USH1G: variants seen among roughly 807,000 people sequenced by gnomAD.
The protein encoded by USH1G is USH1 protein network component sans.
A neutral mutation model predicts 31.9 loss-of-function variants in USH1G; 27 were observed. The ratio of observed to expected loss-of-function variants is 0.85; its 90% CI spans 0.62 to 1.17. USH1G has a LOEUF of 1.17. USH1G is among the 50% of genes most tolerant of loss of function. The pLI is 0.00. For synonymous variants in USH1G, 266 were observed against 283.2 expected, an observed-to-expected ratio of 0.94 and a Z score of 0.61; for missense variants, 674 against 638.9, an observed-to-expected ratio of 1.05 and a Z score of -0.59.
In USH1G at chr17:74,919,922, G is replaced by A. The variant is rs764111098; in HGVS notation, c.914C>T (p.Ser305Phe). 11 of 1,612,976 alleles carry A rather than the reference G, an allele frequency of 6.8e-6. No homozygotes were observed. Among genetic ancestry groups the A allele is most frequent in the Admixed American group, 5.0e-5 (3 of 60,006 alleles). Residue 305 changes from serine (S) to phenylalanine (F), a missense_variant, in exon 2 of 3, where the codon TCC (serine) becomes TTC (phenylalanine). Transcript: ENST00000614341. This position sits in a 1 kb window ranked among gnomAD's most constrained non-coding sequence, Gnocchi z 4.5. ...GCCCAGGCCGGGGCGGGTAAACAGGGAGTCGTGGCCTGAGTCGGTGCTGAC... is the reference window on the plus strand; with the variant it reads ...GCCCAGGCCGGGGCGGGTAAACAGGAAGTCGTGGCCTGAGTCGGTGCTGAC... ...SEVSTDSGHDSLFTRPGLGTM... is the reference protein window; with the variant it reads ...SEVSTDSGHDFLFTRPGLGTM...
chr17:74,922,851 G>T, intron 1 of USH1G, 59 bp downstream of exon 1: 12 of 1,512,274 alleles, frequency 7.9e-6, no homozygotes, highest in South Asian at 1.2e-5. Context: ...AGGAGTGGTG[G>T]ACGAGGAAGT....
chr17:74,920,575 G>A lies in USH1G; in HGVS notation c.261C>T (p.Phe87=), dbSNP rs144686462. The A allele has an allele frequency of 2.5e-5, 41 of 1,613,836 alleles. No homozygotes were observed. The African/African-American group carries it at 4.5e-4, about 18-fold the overall frequency. ...HLHCLSFLVS[F]GANIWCLDND... is the part of the protein sequence containing the mutation. Reference sequence around the variant, plus strand: ...TGTCTAGGCACCAGATGTTGGCTCCGAAGGACACCAGGAAGGACAGGCAGT... The same window carrying A: ...TGTCTAGGCACCAGATGTTGGCTCCAAAGGACACCAGGAAGGACAGGCAGT... The change falls in exon 2 of 3, where the codon TTC becomes TTT. Residue 87 remains phenylalanine, a synonymous_variant. Transcript: ENST00000614341. The surrounding 1 kb of genome is among the most constrained non-coding windows in gnomAD (Gnocchi z 5.2).
rs2038928587 is a variant in USH1G, at chr17:74,920,439, C to G, written c.397G>C (p.Gly133Arg). ...KQSSLNPKLV[G>R]KLKDKAFREA... ...CGGAAGGCCTTGTCCTTCAGCTTAC[C>G]CACCAGCTTGGGGTTGAGGCTGCTC... The change falls in exon 2 of 3, where the codon GGT becomes CGT. Residue 133 changes from glycine to arginine, a missense_variant. Gly to Arg is a moderately radical substitution (Grantham distance 125). Transcript: ENST00000614341. The surrounding 1 kb of genome is among the most constrained non-coding windows in gnomAD (Gnocchi z 5.2). The G allele has an allele frequency of 1.2e-6, 2 of 1,613,554 alleles. No homozygotes were observed. Among genetic ancestry groups the G allele is most frequent in the African/African-American group, 2.7e-5 (2 of 74,944 alleles).
chr17:74,922,887 G>A (rs2038961901), intron 1 of USH1G, 23 bp downstream of exon 1: 1 of 1,539,432 alleles, frequency 6.5e-7, no homozygotes, highest in Non-Finnish European at 8.8e-7. Flanking sequence ...GGGCCTCAAG[G>A]GCACTGGGTG....
At position 74,920,358 on chromosome 17, in the gene USH1G, G is replaced by A. The variant is rs376527217; in HGVS notation, c.478C>T (p.Arg160Cys). 5.6e-6 allele frequency: 9 copies of A among 1,612,098 alleles called. No individual in the cohort carries two copies. The highest frequency in any genetic ancestry group is 3.3e-4 in the Middle Eastern group (2 of 6,084). The change falls in exon 2 of 3, where the codon CGC becomes TGC. Residue 160 changes from arginine (R) to cysteine (C), a missense_variant. Transcript: ENST00000614341. This position sits in a 1 kb window ranked among gnomAD's most constrained non-coding sequence, Gnocchi z 5.2. Reference protein sequence around the residue: ...CAKLQRRHHERMERRYRRELA... With the variant: ...CAKLQRRHHECMERRYRRELA... ...TCGCGCCGGTATCGCCGCTCCATGC[G>A]TTCGTGGTGCCTCCGCTGCAGCTTG...
At position 74,922,891 on chromosome 17, in the gene USH1G, CT is replaced by C; in HGVS notation, c.164+18del. On this transcript the variant is annotated intron_variant, in intron 1 of 2. Transcript: ENST00000614341. ...GGTGGTCTCAGGGGCCTCAAGGGCA[CT>C]GGGTGGGGCGTACTCACCCGCGGCT... is the stretch of plus-strand genomic sequence containing the variant. 1.9e-6 allele frequency: 3 copies of C among 1,539,640 alleles called. No homozygotes were observed. The highest frequency in any genetic ancestry group is 1.8e-6 in the Non-Finnish European group (2 of 1,138,836).
In USH1G at chr17:74,921,200, C is replaced by T. The variant is rs2038938360; in HGVS notation, c.165-529G>A. The stretch of plus-strand genomic sequence containing the variant: ...TGGGCTTGCATGTCAGCAGGCAGGG[C>T]CCTGTCTGCAGGGAGCAGGGCCAGC... On this transcript the variant is annotated intron_variant, in intron 1 of 2. Transcript: ENST00000614341. This position sits in a 1 kb window ranked among gnomAD's most constrained non-coding sequence, Gnocchi z 4.6. 6.6e-6 allele frequency among the ~76,000 whole-genome samples: 1 copy of T among 152,028 alleles called. No homozygotes were observed.
Position 74,918,107 on chromosome 17 carries a change from C to T in USH1G, c.1383-31G>A, listed in dbSNP as rs2144749950. On this transcript the variant is annotated intron_variant, in intron 2 of 2. Transcript: ENST00000614341. The surrounding 1 kb of genome is among the most constrained non-coding windows in gnomAD (Gnocchi z 4.1). The stretch of plus-strand genomic sequence containing the variant: ...GAGGAAGAGACAGAAAGAAACAGAT[C>T]TCACATGAGGCCCTCCAGAGGCATC... 6.2e-7 allele frequency: 1 copy of T among 1,613,648 alleles called. No individual in the cohort carries two copies. The highest frequency in any genetic ancestry group is 2.2e-5 in the East Asian group (1 of 44,878).
chr17:74,920,307 TGAGG>T lies in USH1G; in HGVS notation c.525_528del (p.Leu176AlafsTer10). 1 of 1,607,100 alleles carries T rather than the reference TGAGG, an allele frequency of 6.2e-7. No homozygotes were observed. Among genetic ancestry groups the T allele is most frequent in the Non-Finnish European group, 8.5e-7 (1 of 1,178,808 alleles). ...GTGCTGGACGTGAGGCTGGAGAAGC[TGAGG>T]GTGTCGGAACGCTCGGCCAGCTCGC... is the stretch of plus-strand genomic sequence containing the variant. On this transcript the variant is annotated frameshift_variant, in exon 2 of 3. Transcript: ENST00000614341. LOFTEE classifies it high-confidence loss of function. This position sits in a 1 kb window ranked among gnomAD's most constrained non-coding sequence, Gnocchi z 5.2.
Position 74,918,178 on chromosome 17 carries a change from C to A in USH1G, c.1383-102G>T. On this transcript the variant is annotated intron_variant, in intron 2 of 2. Transcript: ENST00000614341. This position sits in a 1 kb window ranked among gnomAD's most constrained non-coding sequence, Gnocchi z 4.1. ...TCTGGACAACTTAGCCTCCCCATCTCTCGGCAGGCCAATTGTCAGGGATGG... is the reference window on the plus strand; with the variant it reads ...TCTGGACAACTTAGCCTCCCCATCTATCGGCAGGCCAATTGTCAGGGATGG... 1 of 1,511,954 alleles carries A rather than the reference C, an allele frequency of 6.6e-7. No individual in the cohort carries two copies. Among genetic ancestry groups the A allele is most frequent in the Non-Finnish European group, 9.1e-7 (1 of 1,103,514 alleles). The allele number at this position is 1,511,954 out of a possible 1,614,324, so 93.7% of individuals were successfully genotyped here. A position where few individuals can be genotyped will look rare whatever the true frequency, so the allele number is the denominator to read the frequency against.
At position 74,920,808 on chromosome 17, in the gene USH1G, C is replaced by T. The variant is rs2144755965; in HGVS notation, c.165-137G>A. The T allele has an allele frequency of 7.5e-7, 1 of 1,327,440 alleles. No homozygotes were observed. The highest frequency in any genetic ancestry group is 1.0e-6 in the Non-Finnish European group (1 of 972,498). 82.2% of individuals were successfully genotyped at this position (1,327,440 alleles called of 1,614,324 possible). ...GACCGTGGGCCTGAGATCTCTCCCA[C>T]TCCAGGAGACCTGCAGGCCTGAGCC... is the stretch of plus-strand genomic sequence containing the variant. On this transcript the variant is annotated intron_variant, in intron 1 of 2. Transcript: ENST00000614341. The surrounding 1 kb of genome is among the most constrained non-coding windows in gnomAD (Gnocchi z 5.2).
Position 74,918,023 on chromosome 17 carries a change from A to G in USH1G, c.*50T>C. ...TGTGAGGACCTCGAGACCCCACCAT[A>G]GGTTGTGGCAACTTGCAATTCATTT... On this transcript the variant is annotated 3_prime_UTR_variant, in exon 3 of 3. Transcript: ENST00000614341. The surrounding 1 kb of genome is among the most constrained non-coding windows in gnomAD (Gnocchi z 4.1). The G allele has an allele frequency of 6.2e-7, 1 of 1,613,574 alleles. No homozygotes were observed. Among genetic ancestry groups the G allele is most frequent in the African/African-American group, 1.3e-5 (1 of 75,020 alleles).
chr17:74,919,533 G>A lies in USH1G; in HGVS notation c.1303C>T (p.Pro435Ser), dbSNP rs1301900424. 3 of 1,612,040 alleles carry A rather than the reference G, an allele frequency of 1.9e-6. No individual in the cohort carries two copies. The African/African-American group carries it at 4.0e-5, about 22-fold the overall frequency. ...ACGGCCCCCAAGATCTTCTTTCGGGGCCCCAGTGGGACGCTGATGCTGCGG... is the reference window on the plus strand; with the variant it reads ...ACGGCCCCCAAGATCTTCTTTCGGGACCCCAGTGGGACGCTGATGCTGCGG... ...DLRSISVPLG[P>S]RKKILGAVRR... The change falls in exon 2 of 3, where the codon CCC becomes TCC. Residue 435 changes from proline to serine, a missense_variant. Coordinates refer to ENST00000614341, the MANE Select transcript of USH1G (RefSeq NM_173477.5). The surrounding 1 kb of genome is among the most constrained non-coding windows in gnomAD (Gnocchi z 4.5).
rs532775278 is a variant in USH1G at position 74,917,431 on chromosome 17, C to T, written c.*642G>A. On this transcript the variant is annotated 3_prime_UTR_variant, in exon 3 of 3. Transcript: ENST00000614341. ...CCACCCCTGGATGAGCTGGGAAGGG[C>T]GTCAGTACCCCCACCCCACCCCAAC... is the stretch of plus-strand genomic sequence containing the variant. 24 of 154,616 alleles carry T rather than the reference C, an allele frequency of 1.6e-4. No individual in the cohort carries two copies. Among genetic ancestry groups the T allele is most frequent in the Non-Finnish European group, 2.7e-4 (19 of 69,478 alleles). The allele number at this position is 154,616 out of a possible 1,614,324, so 9.6% of individuals were successfully genotyped here. A position where few individuals can be genotyped will look rare whatever the true frequency, so the allele number is the denominator to read the frequency against.
chr17:74,920,564 A>T lies in USH1G; in HGVS notation c.272T>A (p.Ile91Asn), dbSNP rs1287134966. 2 of 1,613,606 alleles carry T rather than the reference A, an allele frequency of 1.2e-6. No individual in the cohort carries two copies. Among genetic ancestry groups the T allele is most frequent in the East Asian group, 2.2e-5 (1 of 44,890 alleles). Residue 91 changes from isoleucine (I) to asparagine (N), a missense_variant, in exon 2 of 3, where the codon ATC (isoleucine) becomes AAC (asparagine). By Grantham distance (149) the Ile-to-Asn change is moderately radical (BLOSUM62 -3). Transcript: ENST00000614341. The surrounding 1 kb of genome is among the most constrained non-coding windows in gnomAD (Gnocchi z 5.2). Reference sequence around the variant, plus strand: ...GTGGTAGTCGTTGTCTAGGCACCAGATGTTGGCTCCGAAGGACACCAGGAA... The same window carrying T: ...GTGGTAGTCGTTGTCTAGGCACCAGTTGTTGGCTCCGAAGGACACCAGGAA... ...LSFLVSFGAN[I>N]WCLDNDYHTP...
rs757051357 is a variant in USH1G, at chr17:74,919,615, G to A, written c.1221C>T (p.Leu407=). The change falls in exon 2 of 3, where the codon CTC becomes CTT. Residue 407 remains leucine (L), a synonymous_variant. Coordinates refer to ENST00000614341, the MANE Select transcript of USH1G (RefSeq NM_173477.5). This position sits in a 1 kb window ranked among gnomAD's most constrained non-coding sequence, Gnocchi z 4.5. ...ASLHMEDFAA[L]LRQEKIDLEA... Reference sequence around the variant, plus strand: ...CGAGGTCGATCTTCTCCTGCCGCAGGAGGGCGGCAAAGTCCTCCATGTGCA... The same window carrying A: ...CGAGGTCGATCTTCTCCTGCCGCAGAAGGGCGGCAAAGTCCTCCATGTGCA... 3.3e-5 allele frequency: 54 copies of A among 1,612,704 alleles called. No individual in the cohort carries two copies. The highest frequency in any genetic ancestry group is 4.2e-5 in the Non-Finnish European group (50 of 1,180,036).
In USH1G at chr17:74,919,739, C is replaced by T. The variant is rs1178992226; in HGVS notation, c.1097G>A (p.Arg366His). The T allele has an allele frequency of 3.7e-6, 6 of 1,612,890 alleles. No homozygotes were observed. The highest frequency in any genetic ancestry group is 4.2e-6 in the Non-Finnish European group (5 of 1,180,030). ...CCAGGGCAGCTCCTCCCCACAGCTG[C>T]GGTCCTGCAGGCTGTTGGCACTGCC... is the stretch of plus-strand genomic sequence containing the variant. The part of the protein sequence containing the change: ...SLGSANSLQD[R>H]SCGEELPWDE... The change falls in exon 2 of 3, where the codon CGC (arginine) becomes CAC (histidine). Residue 366 changes from arginine to histidine, a missense_variant. Coordinates refer to ENST00000614341, the MANE Select transcript of USH1G (RefSeq NM_173477.5). This position sits in a 1 kb window ranked among gnomAD's most constrained non-coding sequence, Gnocchi z 4.5.
Position 74,919,026 on chromosome 17 carries a change from C to T in USH1G, c.1382+428G>A, listed in dbSNP as rs375787354. 1.3e-5 allele frequency among the ~76,000 whole-genome samples: 2 copies of T among 152,192 alleles called. No individual in the cohort carries two copies. The highest frequency in any genetic ancestry group is 2.1e-4 in the South Asian group (1 of 4,814). ...TTGCTCATTGGCTGTAAAATGGGAA[C>T]GATATAATCCACCAATATAGTCCAG... On this transcript the variant is annotated intron_variant, in intron 2 of 2. Transcript: ENST00000614341. The surrounding 1 kb of genome is among the most constrained non-coding windows in gnomAD (Gnocchi z 4.5).
Position 74,920,132 on chromosome 17 carries a change from T to C in USH1G, c.704A>G (p.Glu235Gly), listed in dbSNP as rs2144754059. Reference sequence around the variant, plus strand: ...CGAGCGGGCGCTCTTGCGCCCATCCTCGGAGACCTTGAAGGTGCCTTCGCC... The same window carrying C: ...CGAGCGGGCGCTCTTGCGCCCATCCCCGGAGACCTTGAAGGTGCCTTCGCC... ...QGGEGTFKVS[E>G]DGRKSARSLS... The change falls in exon 2 of 3, where the codon GAG (glutamate) becomes GGG (glycine). Residue 235 changes from glutamate to glycine, a missense_variant. By Grantham distance (98) the Glu-to-Gly change is moderately conservative (BLOSUM62 -2). Transcript: ENST00000614341. This position sits in a 1 kb window ranked among gnomAD's most constrained non-coding sequence, Gnocchi z 5.2. The C allele has an allele frequency of 1.2e-6, 2 of 1,602,692 alleles. No individual in the cohort carries two copies. Among genetic ancestry groups the C allele is most frequent in the Non-Finnish European group, 1.7e-6 (2 of 1,179,812 alleles).
Sources: gnomAD v4.1 joint callset for allele counts (sites outside exome capture counted in the v4.1 genomes callset) on GRCh38, gnomAD v4.1.1 for gene constraint, Gnocchi (gnomAD v3.1) non-coding constraint, MANE v1.5 for transcripts, NCBI Gene and HGNC (gene_info 2026-07-23, HGNC 2026-07-21) for gene names.